IL2RB: variants seen among roughly 807,000 people sequenced by gnomAD.
IL2RB encodes interleukin-2 receptor subunit beta.
In IL2RB, 17 loss-of-function variants were observed where a neutral mutation model predicts 44.2. The observed-to-expected ratio is 0.38, with a 90% CI of 0.26 to 0.58. The LOEUF (loss-of-function observed/expected upper bound fraction) is 0.58. IL2RB is among the 20% of genes least tolerant of loss of function. The probability of loss-of-function intolerance (pLI) is 0.63; values close to 1 mark genes in which losing one functional copy is unlikely to be tolerated. For synonymous variants in IL2RB, 286 were observed against 297.9 expected (o/e 0.96, Z 0.41); for missense variants, 624 against 685.5 (o/e 0.91, Z 1.00).
intron 4 of IL2RB, among the ~76,000 whole-genome samples, chr22:37,140,367 G>A (rs1054911136): frequency 5.3e-5 from 8 of 150,356 alleles, no homozygotes; most frequent in Non-Finnish European, 1.0e-4. Context: ...TCATACATTC[G>A]CGTGATCACT....
chr22:37,130,337 G>A (rs1257620525), intron 9 of IL2RB, among the ~76,000 whole-genome samples: 1 of 152,232 alleles, frequency 6.6e-6, no homozygotes, highest in East Asian at 1.9e-4. Context: ...CCTGTGGCCA[G>A]CTACTTCCTG....
At chr22:37,142,347 C>G in intron 4 of IL2RB, 87 bp downstream of exon 4, 2 of 1,252,774 alleles carry the variant, frequency 1.6e-6, no homozygotes, top group Non-Finnish European at 2.3e-6. Context: ...TCAGCTCTTC[C>G]CCTGGCATCC....
upstream of IL2RB, among the ~76,000 whole-genome samples, chr22:37,153,987 T>C (rs1282530272): frequency 2.0e-5 from 3 of 152,170 alleles, no homozygotes; most frequent in Non-Finnish European, 4.4e-5. Context: ...CTTTCCTTCT[T>C]TTATTTATTC....
intron 1 of IL2RB, among the ~76,000 whole-genome samples, chr22:37,145,724 G>A (rs889859012): frequency 2.6e-5 from 4 of 152,058 alleles, no homozygotes; most frequent in African/African-American, 4.8e-5. Flanking sequence ...GAGGGGCAGG[G>A]GGAGAGGGGA....
At chr22:37,148,171 C>T (rs115965117) in intron 1 of IL2RB, among the ~76,000 whole-genome samples, 61 of 152,144 alleles carry the variant, frequency 4.0e-4, no homozygotes, top group Middle Eastern at 3.4e-3. Context: ...GTCTGCTTCC[C>T]GCCGCCTGGA....
chr22:37,158,282 G>A (rs1036553988), intron 1 of IL2RB, among the ~76,000 whole-genome samples: 5 of 152,298 alleles, frequency 3.3e-5, no homozygotes, highest in Non-Finnish European at 5.9e-5. Flanking sequence ...GGGCGCGGTG[G>A]CTTATGTCTG....
At chr22:37,170,083 AGGAAGAATGGAT>A (rs1569056311) in intron 1 of IL2RB, among the ~76,000 whole-genome samples, 20,122 of 123,816 alleles carry the variant, frequency 0.16, 1,655 homozygotes, top group East Asian at 0.34. Flanking sequence ...GGGAGAAGGA[AGGAAGAATGGAT>A]GGATGGATGG....
chr22:37,135,317 A>T lies in IL2RB; in HGVS notation c.818+11T>A. 1 of 1,600,010 alleles carries T rather than the reference A, an allele frequency of 6.2e-7. No homozygotes were observed. The highest frequency in any genetic ancestry group is 8.6e-7 in the Non-Finnish European group (1 of 1,167,672). ...TGGGAGCATGAAGGAAGGGGAGGAGAACCTTCTTACCATGGCCCGGTGTTC... is the reference window on the plus strand; with the variant it reads ...TGGGAGCATGAAGGAAGGGGAGGAGTACCTTCTTACCATGGCCCGGTGTTC... On this transcript the variant is annotated intron_variant, in intron 8 of 9. Transcript: ENST00000216223.
At position 37,149,205 on chromosome 22, in the gene IL2RB, C is replaced by T. The variant is rs144807305; in HGVS notation, c.-34+620G>A. On this transcript the variant is annotated intron_variant, in intron 1 of 9. Coordinates refer to ENST00000216223, the MANE Select transcript of IL2RB (RefSeq NM_000878.5). ...AAGATAGGGTCCCATCCCCAATGTC[C>T]GGAGATGCTTCTGACCTGTCCAGTC... 1.0e-3 allele frequency among the ~76,000 whole-genome samples: 154 copies of T among 152,266 alleles called. 1 individual carries two copies. The highest frequency in any genetic ancestry group is 5.2e-3 in the East Asian group (27 of 5,172).
At chr22:37,167,198 C>G (rs2145741247) in intron 1 of IL2RB, among the ~76,000 whole-genome samples, 1 of 152,258 alleles carries the variant, frequency 6.6e-6, no homozygotes, top group South Asian at 2.1e-4. Flanking sequence ...CCAGGACAGC[C>G]TCCGACCCAC....
At chr22:37,165,814 A>C (rs927344125) in intron 1 of IL2RB, among the ~76,000 whole-genome samples, 1 of 152,112 alleles carries the variant, frequency 6.6e-6, no homozygotes. Context: ...ACACAGGTGC[A>C]GACCGGCCTA....
chr22:37,159,268 G>A lies in IL2RB; in HGVS notation c.-33-15063C>T, dbSNP rs777198436. Reference sequence around the variant, plus strand: ...TTCTTAGTGTTTTTATTAAAGAATCGGAAAAAATTAAAATGTCCCTCTAAG... The same window carrying A: ...TTCTTAGTGTTTTTATTAAAGAATCAGAAAAAATTAAAATGTCCCTCTAAG... On this transcript the variant is annotated intron_variant, in intron 1 of 5. Transcript: ENST00000429622. Among the ~76,000 whole-genome samples, 60 of 151,818 alleles carry A rather than the reference G, an allele frequency of 4.0e-4. 1 individual carries two copies. The highest frequency in any genetic ancestry group is 1.9e-4 in the Non-Finnish European group (13 of 67,950).
chr22:37,133,831 CT>C (rs1241147191), intron 8 of IL2RB, among the ~76,000 whole-genome samples: 1 of 152,228 alleles, frequency 6.6e-6, no homozygotes, highest in East Asian at 1.9e-4. Flanking sequence ...CCACCCACTT[CT>C]GTCTCCAGCC....
At chr22:37,164,730 C>T (rs929320254) in intron 1 of IL2RB, among the ~76,000 whole-genome samples, 4 of 152,010 alleles carry the variant, frequency 2.6e-5, no homozygotes. Flanking sequence ...CCAGCATCAC[C>T]GAGGCTCCAG....
chr22:37,132,442 G>A lies in IL2RB; in HGVS notation c.845C>T (p.Thr282Ile). Reference protein sequence around the residue: ...PWLKKVLKCNTPDPSKFFSQL... With the variant: ...PWLKKVLKCNIPDPSKFFSQL... ...GGAAAAGAACTTCGAGGGGTCTGGG[G>A]TGTTACACTTCAGGACCTTCTTCAG... is the stretch of plus-strand genomic sequence containing the variant. Residue 282 changes from threonine (T) to isoleucine (I), a missense_variant, in exon 9 of 10, where the codon ACC (threonine) becomes ATC (isoleucine). Physicochemically the swap from Thr to Ile is moderately conservative, Grantham distance 89 (BLOSUM62 -1). Around this residue, in one of 3 missense-constraint regions of IL2RB, gnomAD observed 255 missense variants for 339.9 expected, o/e 0.75. Coordinates refer to ENST00000216223, the MANE Select transcript of IL2RB (RefSeq NM_000878.5). 3.1e-6 allele frequency: 5 copies of A among 1,614,130 alleles called. No homozygotes were observed. Among genetic ancestry groups the A allele is most frequent in the Non-Finnish European group, 4.2e-6 (5 of 1,180,010 alleles).
intron 1 of IL2RB, chr22:37,161,837 C>T (rs6000588): frequency 0.037 from 5,635 of 152,268 alleles, 335 homozygotes; most frequent in African/African-American, 0.13. Flanking sequence ...GAAGTGTGTG[C>T]GTGTGATTAG....
exon 1 of IL2RB, chr22:37,174,998 G>C (rs112087048): frequency 0.032 from 4,810 of 152,484 alleles, 258 homozygotes; most frequent in East Asian, 0.26. Context: ...ACTTACAATC[G>C]TGGTGGAAGG....
chr22:37,170,085 G>A (rs1200791771), intron 1 of IL2RB, among the ~76,000 whole-genome samples: 4 of 84,016 alleles, frequency 4.8e-5, no homozygotes, highest in African/African-American at 1.9e-4. Flanking sequence ...GAGAAGGAAG[G>A]AAGAATGGAT....
At chr22:37,158,857 C>G (rs1398955503) in intron 1 of IL2RB, among the ~76,000 whole-genome samples, 1 of 152,168 alleles carries the variant, frequency 6.6e-6, no homozygotes, top group East Asian at 1.9e-4. Context: ...CCTGAGTCAC[C>G]AGGCCCGTGG....
Sources: allele counts gnomAD v4.1 joint callset (sites outside exome capture counted in the v4.1 genomes callset), GRCh38; gene constraint gnomAD v4.1.1; regional missense constraint gnomAD v4.1.1; transcripts MANE v1.5; gene names NCBI Gene and HGNC (gene_info 2026-07-23, HGNC 2026-07-21).